ERC2: variants seen among roughly 807,000 people sequenced by gnomAD.
The protein encoded by ERC2 is ERC protein 2.
A neutral mutation model predicts 114.8 loss-of-function variants in ERC2; 42 were observed. The ratio of observed to expected loss-of-function variants is 0.37; its 90% CI spans 0.29 to 0.47. ERC2 has a LOEUF of 0.47. Ranked by LOEUF, ERC2 falls within the 20% of genes least tolerant of loss-of-function variation. The pLI is 0.99. For missense variants in ERC2, 939 were observed against 1,150.7 expected, an observed-to-expected ratio of 0.82 and a Z score of 2.66; for synonymous variants, 454 against 425.5, an observed-to-expected ratio of 1.07 and a Z score of -0.82.
At chr3:56,130,646 A>C (rs77095362) in intron 6 of ERC2, among the ~76,000 whole-genome samples, 5,556 of 152,294 alleles carry the variant, frequency 0.036, 198 homozygotes, top group Non-Finnish European at 0.05. Context: ...ATCCTTTAAT[A>C]GTCCAGAATT....
At chr3:56,100,244 T>C (rs181294705) in intron 6 of ERC2, among the ~76,000 whole-genome samples, 19 of 152,346 alleles carry the variant, frequency 1.2e-4, no homozygotes, top group Non-Finnish European at 2.1e-4. Flanking sequence ...TTATATTCTA[T>C]ATTTGGTAGG....
At chr3:55,911,402 T>C (rs958934301) in intron 13 of ERC2, among the ~76,000 whole-genome samples, 1 of 152,116 alleles carries the variant, frequency 6.6e-6, no homozygotes, top group African/African-American at 2.4e-5. Flanking sequence ...AATATTCTAG[T>C]AAGGGAAAGA....
At chr3:56,386,112 C>T (rs896792504) in intron 2 of ERC2, among the ~76,000 whole-genome samples, 2 of 152,086 alleles carry the variant, frequency 1.3e-5, no homozygotes, top group Non-Finnish European at 2.9e-5. Flanking sequence ...AGAGTAAATT[C>T]AGCTCTATAA....
At position 56,018,895 on chromosome 3, in the gene ERC2, T is replaced by C. The variant is rs1415568744; in HGVS notation, c.1778A>G (p.Lys593Arg). The C allele has an allele frequency of 6.2e-7, 1 of 1,610,956 alleles. No individual in the cohort carries two copies. Among genetic ancestry groups the C allele is most frequent in the Non-Finnish European group, 8.5e-7 (1 of 1,178,904 alleles). Residue 593 changes from lysine (K) to arginine (R), a missense_variant and splice_region_variant, in exon 8 of 18, where the codon AAG becomes AGG. Lys to Arg is a conservative substitution (Grantham distance 26). This residue lies in a region of ERC2 where 149 missense variants were observed against 254.6 expected (regional missense o/e 0.59). Transcript: ENST00000288221. ...CCCAGTTTTTGAGTGCATGCTCACCTTCTCTGACAGAGCTTCCTCTAGCGT... is the reference window on the plus strand; with the variant it reads ...CCCAGTTTTTGAGTGCATGCTCACCCTCTCTGACAGAGCTTCCTCTAGCGT... ...LATLEEALSE[K>R]ERIIERLKEQ...
At chr3:56,418,141 T>C (rs2061241499) in intron 2 of ERC2, among the ~76,000 whole-genome samples, 1 of 151,762 alleles carries the variant, frequency 6.6e-6, no homozygotes, top group South Asian at 2.1e-4. Flanking sequence ...AATTGTTTAA[T>C]AAAAATATTA....
chr3:55,914,240 A>G (rs1392648146), intron 13 of ERC2, among the ~76,000 whole-genome samples: 3 of 152,160 alleles, frequency 2.0e-5, no homozygotes, highest in Non-Finnish European at 4.4e-5. Flanking sequence ...TGTATGGGCT[A>G]GTTTCCCACC....
chr3:55,700,736 G>A (rs2063182792), intron 15 of ERC2, among the ~76,000 whole-genome samples: 1 of 152,040 alleles, frequency 6.6e-6, no homozygotes, highest in Admixed American at 6.6e-5. Flanking sequence ...TGTCCTGGAG[G>A]CTGGGTGACA....
intron 14 of ERC2, among the ~76,000 whole-genome samples, chr3:55,843,040 C>G (rs898750564): frequency 6.6e-6 from 1 of 152,194 alleles, no homozygotes; most frequent in Non-Finnish European, 1.5e-5. Context: ...TCTATAATTA[C>G]GGACATTTAG....
chr3:55,566,913 C>T (rs1034736110), intron 17 of ERC2, among the ~76,000 whole-genome samples: 1 of 152,064 alleles, frequency 6.6e-6, no homozygotes, highest in South Asian at 2.1e-4. Flanking sequence ...GCTGGCCAGG[C>T]TAGTCTGGAA....
intron 2 of ERC2, among the ~76,000 whole-genome samples, chr3:56,433,193 AGAGAGAGAG>A (rs1452968790): frequency 1.3e-4 from 1 of 7,824 alleles, no homozygotes; most frequent in Non-Finnish European, 3.6e-4. Flanking sequence ...AAAAAAAAAA[AGAGAGAGAG>A]AGAGAGAGAG....
intron 17 of ERC2, among the ~76,000 whole-genome samples, chr3:55,672,292 T>TCA (rs1232432253): frequency 6.9e-6 from 1 of 144,984 alleles, no homozygotes; most frequent in African/African-American, 2.6e-5. Context: ...AGAGCCATGA[T>TCA]CACACCATTG....
intron 3 of ERC2, among the ~76,000 whole-genome samples, chr3:56,279,096 C>T (rs2054186636): frequency 1.3e-5 from 2 of 152,206 alleles, no homozygotes; most frequent in African/African-American, 4.8e-5. Flanking sequence ...CAGAAACCCT[C>T]TGCCTGATTT....
intron 16 of ERC2, among the ~76,000 whole-genome samples, chr3:55,696,457 C>T (rs954790500): frequency 6.6e-6 from 1 of 152,188 alleles, no homozygotes. Context: ...ACATTATGTA[C>T]ATTATGAACA....
intron 17 of ERC2, among the ~76,000 whole-genome samples, chr3:55,562,531 A>T (rs530297389): frequency 6.6e-6 from 1 of 152,312 alleles, no homozygotes; most frequent in East Asian, 1.9e-4. Flanking sequence ...TAATAGAAGA[A>T]GTAAATACAG....
chr3:55,715,622 G>C lies in ERC2; in HGVS notation c.2713-16110C>G, dbSNP rs185453575. Among the ~76,000 whole-genome samples the C allele has an allele frequency of 5.3e-5, 8 of 152,172 alleles. No homozygotes were observed. In the East Asian group the frequency reaches 1.4e-3, roughly 26 times the overall value. On this transcript the variant is annotated intron_variant, in intron 15 of 17. Transcript: ENST00000288221. ...ACCCTACAAAACAAAACAAAAAAAG[G>C]TATGCTGTGGGGTGTTTTTTTTCCT...
At chr3:55,997,883 T>TGG (rs199512050) in intron 10 of ERC2, among the ~76,000 whole-genome samples, 1 of 10,268 alleles carries the variant, frequency 9.7e-5, no homozygotes, top group African/African-American at 2.2e-4. Flanking sequence ...TAATTCTGTT[T>TGG]TTTTTTTTTT....
rs185636669 is a variant in ERC2, at chr3:55,615,430, A to G, written c.*39+68364T>C. 1.6e-3 allele frequency among the ~76,000 whole-genome samples: 243 copies of G among 152,302 alleles called. 1 individual carries two copies. Among genetic ancestry groups the G allele is most frequent in the African/African-American group, 5.7e-3 (235 of 41,568 alleles). On this transcript the variant is annotated intron_variant, in intron 17 of 17. Coordinates refer to ENST00000288221, the MANE Select transcript of ERC2 (RefSeq NM_015576.3). ...CCAAGCTCTCCAAACGCCATTGCCC[A>G]CTGCACAGCCCTCTTGTCCTTCCTC...
chr3:56,258,855 T>C lies in ERC2; in HGVS notation c.1074+37164A>G, dbSNP rs190101803. 5.3e-5 allele frequency among the ~76,000 whole-genome samples: 8 copies of C among 152,346 alleles called. No homozygotes were observed. The East Asian group carries it at 1.5e-3, about 29-fold the overall frequency. Reference sequence around the variant, plus strand: ...ACTTTGTACAACTTAAACTTTGATTTATTTTCATTTTACCCCTAAAATTTA... The same window carrying C: ...ACTTTGTACAACTTAAACTTTGATTCATTTTCATTTTACCCCTAAAATTTA... On this transcript the variant is annotated intron_variant, in intron 3 of 17. Transcript: ENST00000288221.
intron 2 of ERC2, among the ~76,000 whole-genome samples, chr3:56,395,091 T>C (rs2060259233): frequency 6.6e-6 from 1 of 152,062 alleles, no homozygotes; most frequent in South Asian, 2.1e-4. Flanking sequence ...CTCCTATTTA[T>C]ATGAAATTAA....
Sources: gnomAD v4.1 joint callset for allele counts (sites outside exome capture counted in the v4.1 genomes callset) on GRCh38, gnomAD v4.1.1 for gene constraint, gnomAD v4.1.1 regional missense constraint, MANE v1.5 for transcripts, NCBI Gene and HGNC (gene_info 2026-07-23, HGNC 2026-07-21) for gene names.